Variants in ASPM observed in about 807,000 individuals in gnomAD.
The protein encoded by ASPM is assembly factor for spindle microtubules, also known as abnormal spindle-like microcephaly-associated protein.
A neutral mutation model predicts 366.4 loss-of-function variants in ASPM; 256 were observed. The ratio of observed to expected loss-of-function variants is 0.70; its 90% confidence interval spans 0.63 to 0.77. The LOEUF (loss-of-function observed/expected upper bound fraction) is 0.77, where lower values mean the gene tolerates loss of function less well. Among genes scored for constraint, ASPM ranks in the 30% least tolerant of loss-of-function variants. The pLI, the probability that ASPM is intolerant of heterozygous loss-of-function variation, is 0.00. For synonymous variants in ASPM, 1,414 were observed against 1,342.9 expected (o/e 1.05, Z -1.16); for missense variants, 4,146 against 4,090.4 (o/e 1.01, Z -0.37).
At chr1:197,137,731 T>C (rs1487098764) in intron 4 of ASPM, among the ~76,000 whole-genome samples, 1 of 152,198 alleles carries the variant, frequency 6.6e-6, no homozygotes, top group African/African-American at 2.4e-5. Context: ...TCCGCCCACT[T>C]TGGCCTCCCA....
chr1:197,093,869 T>C (rs1189990089), intron 20 of ASPM, among the ~76,000 whole-genome samples: 1 of 151,862 alleles, frequency 6.6e-6, no homozygotes, highest in African/African-American at 2.4e-5. Context: ...TGTACAGTTA[T>C]ATATTTTTAA....
At position 197,084,351 on chromosome 1, in the gene ASPM, C is replaced by T. The variant is rs1656521115; in HGVS notation, c.10407G>A (p.Val3469=). The T allele has an allele frequency of 1.2e-6, 2 of 1,612,054 alleles. No homozygotes were observed. The highest frequency in any genetic ancestry group is 1.7e-5 in the Admixed American group (1 of 59,918). ...ITNPLQAIQM[V]MDTLGIPY ...AATAAGGAATGCCAAGCGTATCCAT[C>T]ACCATTTGAATAGCTTGCAGGGGAT... Residue 3469 remains valine, a synonymous_variant, in exon 28 of 28, where the codon GTG becomes GTA. Coordinates refer to ENST00000367409, the MANE Select transcript of ASPM (RefSeq NM_018136.5).
rs149661827 is a variant in ASPM at position 197,131,467 on chromosome 1, T to C, written c.2487+818A>G. On this transcript the variant is annotated intron_variant, in intron 7 of 27. Coordinates refer to ENST00000367409, the MANE Select transcript of ASPM (RefSeq NM_018136.5). ...ACAGAGCCAAGAACTATGTAAAGAA[T>C]GCAAATCCTGATGACATTTTTATGA... 3.4e-3 allele frequency among the ~76,000 whole-genome samples: 512 copies of C among 152,286 alleles called. 2 individuals are homozygous for C. Among genetic ancestry groups the C allele is most frequent in the African/African-American group, 0.012 (482 of 41,564 alleles).
At position 197,100,498 on chromosome 1, in the gene ASPM, G is replaced by C. The variant is rs1187619546; in HGVS notation, c.8753C>G (p.Ala2918Gly). 2 of 1,608,164 alleles carry C rather than the reference G, an allele frequency of 1.2e-6. No homozygotes were observed. Among genetic ancestry groups the C allele is most frequent in the African/African-American group, 2.7e-5 (2 of 74,564 alleles). Residue 2918 changes from alanine (A) to glycine (G), a missense_variant, in exon 18 of 28, where the codon GCT (alanine) becomes GGT (glycine). Physicochemically the swap from Ala to Gly is moderately conservative, Grantham distance 60 (BLOSUM62 0). Coordinates refer to ENST00000367409, the MANE Select transcript of ASPM (RefSeq NM_018136.5). ...QIRSSVIIIQARSKGFIQKRK... is the reference protein window; with the variant it reads ...QIRSSVIIIQGRSKGFIQKRK... ...TTTCTGTATAAATCCTTTACTTCTAGCTTGAATAATGATAACACTGCTTCT... is the reference window on the plus strand; with the variant it reads ...TTTCTGTATAAATCCTTTACTTCTACCTTGAATAATGATAACACTGCTTCT...
chr1:197,089,991 C>T lies in ASPM; in HGVS notation c.9923G>A (p.Arg3308His), dbSNP rs201362977. Residue 3308 changes from arginine (R) to histidine (H), a missense_variant, in exon 25 of 28, where the codon CGC (arginine) becomes CAC (histidine). Physicochemically the swap from Arg to His is conservative, Grantham distance 29. Around this residue, in one of 3 missense-constraint regions of ASPM, gnomAD observed 3,624 missense variants for 3,591.7 expected, o/e 1.01. Transcript: ENST00000367409. ...KIFVLIRSCN[R>H]SIPCMEVIRY... Reference sequence around the variant, plus strand: ...GATGACTTCCATACAAGGAATACTGCGATTACAACTTCGGATCAAAACAAA... The same window carrying T: ...GATGACTTCCATACAAGGAATACTGTGATTACAACTTCGGATCAAAACAAA... 11 of 1,613,092 alleles carry T rather than the reference C, an allele frequency of 6.8e-6. No individual in the cohort carries two copies. Among genetic ancestry groups the T allele is most frequent in the Admixed American group, 6.7e-5 (4 of 59,938 alleles).
At chr1:197,118,709 A>C (rs1657815653) in intron 16 of ASPM, among the ~76,000 whole-genome samples, 2 of 152,170 alleles carry the variant, frequency 1.3e-5, no homozygotes, top group Admixed American at 1.3e-4. Context: ...CATAAGAACA[A>C]ATGAGCAAAT....
rs200848981 is a variant in ASPM at position 197,102,700 on chromosome 1, C to T, written c.6551G>A (p.Arg2184Gln). ...QASFRGVRVR[R>Q]TLRKMQTAAT... ...TGCAGTCTGCATCTTTCTAAGAGTC[C>T]GTCTAACTCTTACTCCTCTAAAACT... Residue 2184 changes from arginine to glutamine, a missense_variant, in exon 18 of 28, where the codon CGG (arginine) becomes CAG (glutamine). Around this residue, in one of 3 missense-constraint regions of ASPM, gnomAD observed 3,624 missense variants for 3,591.7 expected, o/e 1.01. Transcript: ENST00000367409. The T allele has an allele frequency of 9.4e-5, 151 of 1,612,356 alleles. No individual in the cohort carries two copies. Among genetic ancestry groups the T allele is most frequent in the Admixed American group, 1.8e-4 (11 of 59,764 alleles).
chr1:197,133,444 A>G lies in ASPM; in HGVS notation c.2325T>C (p.Ser775=), dbSNP rs1208004365. Residue 775 remains serine, a synonymous_variant, in exon 6 of 28, where the codon TCT becomes TCC. Transcript: ENST00000367409. ...LRRAACRLFT[S]EKMVKAIKKL... ...TTTTAATAGCTTTAACCATTTTTTCAGAAGTAAACAAACGGCATGCTGCAC... is the reference window on the plus strand; with the variant it reads ...TTTTAATAGCTTTAACCATTTTTTCGGAAGTAAACAAACGGCATGCTGCAC... The G allele has an allele frequency of 2.5e-6, 4 of 1,614,038 alleles. 1 individual carries two copies. In the Admixed American group the frequency reaches 5.0e-5, roughly 20 times the overall value.
chr1:197,122,126 G>A, intron 15 of ASPM, 33 bp downstream of exon 15: 1 of 1,591,816 alleles, frequency 6.3e-7, no homozygotes, highest in South Asian at 1.1e-5. Flanking sequence ...CTTTATTATT[G>A]AATTAATAAT....
At chr1:197,109,029 AATTGTCCTAATGTGATCGCTATACAGTAT>A (rs1213941197) in intron 17 of ASPM, among the ~76,000 whole-genome samples, 1 of 151,630 alleles carries the variant, frequency 6.6e-6, no homozygotes, top group Non-Finnish European at 1.5e-5. Flanking sequence ...TGAATATGCT[AATTGTCCTAATGTGATCGCTATACAGTAT>A]ATGTATCAAA....
chr1:197,129,307 T>C lies in ASPM; in HGVS notation c.2640A>G (p.Glu880=), dbSNP rs144908700. The change falls in exon 9 of 28, where the codon GAA becomes GAG. Residue 880 remains glutamate, a synonymous_variant. Coordinates refer to ENST00000367409, the MANE Select transcript of ASPM (RefSeq NM_018136.5). ...VPHLYRDGHE[E]ALSKFTLKKL... ...TTTTCAATGTAAACTTGGACAAAGCTTCTTCATGACCTTAAATAAAGTACA... is the reference window on the plus strand; with the variant it reads ...TTTTCAATGTAAACTTGGACAAAGCCTCTTCATGACCTTAAATAAAGTACA... 10 of 1,612,970 alleles carry C rather than the reference T, an allele frequency of 6.2e-6. No individual in the cohort carries two copies. In the African/African-American group the frequency reaches 8.0e-5, roughly 13 times the overall value.
chr1:197,108,862 T>A (rs1486637503), intron 17 of ASPM, among the ~76,000 whole-genome samples: 1 of 151,352 alleles, frequency 6.6e-6, no homozygotes, highest in African/African-American at 2.4e-5. Context: ...TCTCAGCTAC[T>A]TGGGAGGCTG....
intron 19 of ASPM, among the ~76,000 whole-genome samples, chr1:197,094,506 T>C (rs1047997412): frequency 6.6e-6 from 1 of 151,640 alleles, no homozygotes. Flanking sequence ...AAAGGGGGAA[T>C]GGTAGAAATA....
In ASPM at chr1:197,124,116, A is replaced by G; in HGVS notation, c.3384T>C (p.Asn1128=). Residue 1128 remains asparagine (N), a synonymous_variant, in exon 13 of 28, where the codon AAT becomes AAC. Transcript: ENST00000367409. ...DWVNAVCAFY[N]KKVENFTVSF... ...AAAAAACAAAGAAACTTACCTTTTT[A>G]TTATAGAAGGCACAAACAGCATTTA... is the stretch of plus-strand genomic sequence containing the variant. 1 of 1,607,056 alleles carries G rather than the reference A, an allele frequency of 6.2e-7. No homozygotes were observed. The highest frequency in any genetic ancestry group is 8.5e-7 in the Non-Finnish European group (1 of 1,174,698).
At position 197,103,103 on chromosome 1, in the gene ASPM, T is replaced by C; in HGVS notation, c.6148A>G (p.Ile2050Val). ...TTGTAAGCTCTGTATTTAGACTGTA[T>C]AGTGACTGCTGCTTTGTTGCAATCC... is the stretch of plus-strand genomic sequence containing the variant. ...IKDCNKAAVT[I>V]QSKYRAYKTK... The change falls in exon 18 of 28, where the codon ATA (isoleucine) becomes GTA (valine). Residue 2050 changes from isoleucine (I) to valine (V), a missense_variant. By Grantham distance (29) the Ile-to-Val change is conservative (BLOSUM62 3). Transcript: ENST00000367409. 1.2e-6 allele frequency: 2 copies of C among 1,612,828 alleles called. No homozygotes were observed. The highest frequency in any genetic ancestry group is 8.5e-7 in the Non-Finnish European group (1 of 1,179,344).
intron 18 of ASPM, 81 bp downstream of exon 18, chr1:197,100,350 T>A: frequency 7.9e-6 from 8 of 1,008,488 alleles, no homozygotes; most frequent in Non-Finnish European, 1.1e-5. Flanking sequence ...ATGACCTGCT[T>A]AAGCTCATTT....
intron 5 of ASPM, among the ~76,000 whole-genome samples, chr1:197,134,028 A>C (rs1056805104): frequency 6.6e-6 from 1 of 152,056 alleles, no homozygotes; most frequent in Non-Finnish European, 1.5e-5. Context: ...TTTGGAAAAG[A>C]AACAACTTTT....
At chr1:197,099,289 GTT>G (rs988523421) in intron 18 of ASPM, among the ~76,000 whole-genome samples, 1 of 148,254 alleles carries the variant, frequency 6.7e-6, no homozygotes, top group African/African-American at 2.5e-5. Context: ...TCTAGAATTT[GTT>G]TTGTCTGGAG....
chr1:197,124,526 A>C (rs1008802554), intron 12 of ASPM, among the ~76,000 whole-genome samples, 195 bp from the exon 13 acceptor site: 35 of 151,424 alleles, frequency 2.3e-4, no homozygotes, highest in African/African-American at 8.5e-4. Context: ...TTTTCCCCAA[A>C]GGCAAACACC....
Sources: gnomAD v4.1 joint callset for allele counts (sites outside exome capture counted in the v4.1 genomes callset) on GRCh38, gnomAD v4.1.1 for gene constraint, gnomAD v4.1.1 regional missense constraint, MANE v1.5 for transcripts, NCBI Gene and HGNC (gene_info 2026-07-23, HGNC 2026-07-21) for gene names.